CAV1: variants seen among roughly 807,000 people sequenced by gnomAD.
The protein encoded by CAV1 is caveolin-1.
In CAV1, 10 loss-of-function variants were observed where a neutral mutation model predicts 16.5. The observed-to-expected ratio is 0.61, with a 90% CI of 0.37 to 1.03. The LOEUF (loss-of-function observed/expected upper bound fraction) is 1.03, where lower values mean the gene tolerates loss of function less well. Among genes scored for constraint, CAV1 ranks in the 50% least tolerant of loss-of-function variants. The probability of loss-of-function intolerance (pLI) is 0.01; values close to 1 mark genes in which losing one functional copy is unlikely to be tolerated. For missense variants in CAV1, 212 were observed against 232.8 expected, an observed-to-expected ratio of 0.91 and a Z score of 0.58; for synonymous variants, 76 against 85.1, an observed-to-expected ratio of 0.89 and a Z score of 0.59.
At chr7:116,553,950 G>GC (rs1794214210) in intron 2 of CAV1, among the ~76,000 whole-genome samples, 1 of 152,182 alleles carries the variant, frequency 6.6e-6, no homozygotes, top group Admixed American at 6.5e-5. Flanking sequence ...ACTGATCAAG[G>GC]ATGTGTGATG....
chr7:116,525,204 C>T (rs1793530964), intron 1 of CAV1, 112 bp downstream of exon 1: 2 of 1,613,398 alleles, frequency 1.2e-6, no homozygotes, highest in South Asian at 2.2e-5. Flanking sequence ...CTCTCCACTT[C>T]GGAGCACTCC....
At chr7:116,554,427 T>C (rs1794223939) in intron 2 of CAV1, among the ~76,000 whole-genome samples, 1 of 152,116 alleles carries the variant, frequency 6.6e-6, no homozygotes, top group Non-Finnish European at 1.5e-5. Context: ...CCTAGAGATA[T>C]GAATGGAGTA....
In CAV1 at chr7:116,539,754, T is replaced by C. The variant is rs183953679; in HGVS notation, c.195+13065T>C. Reference sequence around the variant, plus strand: ...TGTGGCATCCAGATGATCTCCTGGGTCATGGGGGATAAGGCTAATCTCCTA... The same window carrying C: ...TGTGGCATCCAGATGATCTCCTGGGCCATGGGGGATAAGGCTAATCTCCTA... On this transcript the variant is annotated intron_variant, in intron 2 of 2. Coordinates refer to ENST00000341049, the MANE Select transcript of CAV1 (RefSeq NM_001753.5). Among the ~76,000 whole-genome samples, 598 of 152,126 alleles carry C rather than the reference T, an allele frequency of 3.9e-3. 5 individuals carry two copies. Among genetic ancestry groups the C allele is most frequent in the Non-Finnish European group, 3.6e-3 (246 of 68,008 alleles).
rs528806115 is a variant in CAV1, at chr7:116,559,334, T to C, written c.*47T>C. ...TATACCTGATTTTTTTTCCTTTTAA[T>C]TTTCCTGGTGCCAATTTCAAGTTCC... On this transcript the variant is annotated 3_prime_UTR_variant, in exon 3 of 3. Coordinates refer to ENST00000341049, the MANE Select transcript of CAV1 (RefSeq NM_001753.5). The C allele has an allele frequency of 1.2e-4, 167 of 1,441,524 alleles. No individual in the cohort carries two copies. Among genetic ancestry groups the C allele is most frequent in the Admixed American group, 2.8e-4 (16 of 58,170 alleles). The allele number at this position is 1,441,524 out of a possible 1,614,324, so 89.3% of individuals were successfully genotyped here. A position where few individuals can be genotyped will look rare whatever the true frequency, so the allele number is the denominator to read the frequency against.
intron 2 of CAV1, 144 bp from the exon 3 acceptor site, chr7:116,558,802 T>G (rs1794342590): frequency 3.0e-6 from 2 of 671,810 alleles, no homozygotes; most frequent in Admixed American, 4.5e-5. Context: ...CAAGTGATGC[T>G]GATGCTGCTG....
intron 2 of CAV1, among the ~76,000 whole-genome samples, chr7:116,538,291 C>T (rs1793866447): frequency 6.6e-6 from 1 of 152,148 alleles, no homozygotes; most frequent in Non-Finnish European, 1.5e-5. Context: ...TATTTGTTCT[C>T]AAAAACAAAT....
Position 116,559,857 on chromosome 7 carries a change from C to T in CAV1, c.*570C>T, listed in dbSNP as rs767507664. 1.7e-5 allele frequency: 7 copies of T among 400,738 alleles called. No individual in the cohort carries two copies. Among genetic ancestry groups the T allele is most frequent in the Admixed American group, 4.4e-5 (1 of 22,982 alleles). The allele number at this position is 400,738 out of a possible 1,614,324, so 24.8% of individuals were successfully genotyped here. A position where few individuals can be genotyped will look rare whatever the true frequency, so the allele number is the denominator to read the frequency against. On this transcript the variant is annotated 3_prime_UTR_variant, in exon 3 of 3. Transcript: ENST00000341049. Reference sequence around the variant, plus strand: ...ACATAATCTTCTGCCTTCTCATGATCCAACTAATGCCTTACTCTTCTTGAA... The same window carrying T: ...ACATAATCTTCTGCCTTCTCATGATTCAACTAATGCCTTACTCTTCTTGAA...
At chr7:116,536,900 G>A (rs2115992466) in intron 2 of CAV1, among the ~76,000 whole-genome samples, 1 of 151,622 alleles carries the variant, frequency 6.6e-6, no homozygotes, top group African/African-American at 2.4e-5. Flanking sequence ...CTACTCGGGA[G>A]GCTGAGGCAG....
intron 2 of CAV1, among the ~76,000 whole-genome samples, chr7:116,534,391 A>ATTT (rs1562830042): frequency 3.6e-4 from 3 of 8,226 alleles, no homozygotes; most frequent in Admixed American, 2.0e-3. Context: ...ATATATATAT[A>ATTT]TATATTTTTT....
At chr7:116,539,661 CT>C (rs947612616) in intron 2 of CAV1, among the ~76,000 whole-genome samples, 10 of 151,514 alleles carry the variant, frequency 6.6e-5, no homozygotes, top group East Asian at 1.9e-4. Flanking sequence ...GTTATTTAGA[CT>C]TTTTTTTTAA....
At chr7:116,542,252 G>C (rs578074786) in intron 2 of CAV1, among the ~76,000 whole-genome samples, 2 of 152,310 alleles carry the variant, frequency 1.3e-5, no homozygotes, top group African/African-American at 4.8e-5. Context: ...TCATGAAAGA[G>C]TGTGGTCTCT....
chr7:116,526,761 T>G, intron 2 of CAV1, 72 bp downstream of exon 2: 1 of 1,565,694 alleles, frequency 6.4e-7, no homozygotes, highest in Admixed American at 1.7e-5. Flanking sequence ...CATCCTTCTT[T>G]AGCATTGCCG....
intron 1 of CAV1, chr7:116,525,946 G>C: frequency 1.7e-6 from 1 of 584,810 alleles, no homozygotes; most frequent in Non-Finnish European, 2.2e-6. Flanking sequence ...AGGGTGGGGG[G>C]CGCGGGCAGG....
chr7:116,550,126 G>C (rs1794128904), intron 2 of CAV1, among the ~76,000 whole-genome samples: 1 of 152,136 alleles, frequency 6.6e-6, no homozygotes, highest in African/African-American at 2.4e-5. Flanking sequence ...TTCAGAGAGA[G>C]AGGCTCTAGG....
intron 2 of CAV1, chr7:116,552,091 A>G (rs1794176791): frequency 6.6e-6 from 1 of 152,180 alleles, no homozygotes; most frequent in African/African-American, 2.4e-5. Context: ...TTTATTATTT[A>G]GAAGCAAATC....
chr7:116,555,181 G>A (rs923078464), intron 2 of CAV1, among the ~76,000 whole-genome samples: 4 of 152,104 alleles, frequency 2.6e-5, no homozygotes, highest in Admixed American at 2.0e-4. Flanking sequence ...AGTAGCTCAC[G>A]TCTGTAATCC....
intron 2 of CAV1, among the ~76,000 whole-genome samples, chr7:116,539,023 G>C (rs1793883627): frequency 6.6e-6 from 1 of 152,064 alleles, no homozygotes; most frequent in South Asian, 2.1e-4. Flanking sequence ...TTTGGGTGGG[G>C]ACACAGCCAA....
chr7:116,545,412 C>G (rs1442375900), intron 2 of CAV1, among the ~76,000 whole-genome samples: 1 of 152,212 alleles, frequency 6.6e-6, no homozygotes, highest in South Asian at 2.1e-4. Context: ...TCAAACAATT[C>G]TGTATAATGG....
In CAV1 at chr7:116,559,190, T is replaced by C; in HGVS notation, c.440T>C (p.Val147Ala). The change falls in exon 3 of 3, where the codon GTC becomes GCC. Residue 147 changes from valine (V) to alanine (A), a missense_variant. By Grantham distance (64) the Val-to-Ala change is moderately conservative. Coordinates refer to ENST00000341049, the MANE Select transcript of CAV1 (RefSeq NM_001753.5). The part of the protein sequence containing the change: ...FLIEIQCISR[V>A]YSIYVHTVCD... ...ATTGAGATTCAGTGCATCAGCCGTG[T>C]CTATTCCATCTACGTCCACACCGTC... The C allele has an allele frequency of 6.2e-7, 1 of 1,614,004 alleles. No homozygotes were observed. Among genetic ancestry groups the C allele is most frequent in the Non-Finnish European group, 8.5e-7 (1 of 1,179,902 alleles).
Sources: allele counts gnomAD v4.1 joint callset (sites outside exome capture counted in the v4.1 genomes callset), GRCh38; gene constraint gnomAD v4.1.1; transcripts MANE v1.5; gene names NCBI Gene and HGNC (gene_info 2026-07-23, HGNC 2026-07-21).